The following HYDIN variants were observed in gnomAD, a reference collection of about 807,000 sequenced individuals.
HYDIN encodes HYDIN axonemal central pair apparatus protein, also known as axonemal central pair apparatus protein HYDIN.
In HYDIN, 132 loss-of-function variants were observed where a neutral mutation model predicts 403.9. The ratio of observed to expected loss-of-function variants is 0.33; its 90% confidence interval spans 0.28 to 0.38. The LOEUF is 0.38. Ranked by LOEUF, HYDIN falls within the 10% of genes least tolerant of loss-of-function variation. HYDIN has a pLI of 1.00. For missense variants in HYDIN, 2,827 were observed against 5,009.5 expected, an observed-to-expected ratio of 0.56 and a Z score of 13.15; for synonymous variants, 1,202 against 1,891.7, an observed-to-expected ratio of 0.64 and a Z score of 9.46.
At chr16:70,868,101 G>A (rs1325964875) in intron 66 of HYDIN, among the ~76,000 whole-genome samples, 1 of 151,932 alleles carries the variant, frequency 6.6e-6, no homozygotes, top group Non-Finnish European at 1.5e-5. Flanking sequence ...AATTACACAG[G>A]TAGTCAATAT....
intron 66 of HYDIN, among the ~76,000 whole-genome samples, chr16:70,867,028 C>CA (rs34578135): frequency 0.021 from 1,967 of 92,888 alleles, 48 homozygotes; most frequent in African/African-American, 0.063. Flanking sequence ...CTGTCCCCCT[C>CA]AAAAAAAAAA....
chr16:71,134,513 C>T (rs1339003467), intron 8 of HYDIN, among the ~76,000 whole-genome samples: 1 of 152,234 alleles, frequency 6.6e-6, no homozygotes, highest in Admixed American at 6.5e-5. Flanking sequence ...AAAGATCTCG[C>T]TGCTGCTTTT....
In HYDIN at chr16:71,203,512, G is replaced by A. The variant is rs74664714; in HGVS notation, c.-23-16594C>T. 9.9e-3 allele frequency among the ~76,000 whole-genome samples: 1,509 copies of A among 152,230 alleles called. 14 individuals are homozygous for A. The highest frequency in any genetic ancestry group is 0.024 in the Middle Eastern group (7 of 292). On this transcript the variant is annotated intron_variant, in intron 1 of 85. Transcript: ENST00000393567. ...AAAATGCCTCATTTCTATTAGAATA[G>A]GAGAGAATAAGCTTATACTTTTTGT... is the stretch of plus-strand genomic sequence containing the variant.
At chr16:71,158,905 G>T (rs1472113156) in intron 6 of HYDIN, among the ~76,000 whole-genome samples, 1 of 125,766 alleles carries the variant, frequency 8.0e-6, no homozygotes, top group Admixed American at 8.1e-5. Flanking sequence ...TGCCCAAGCT[G>T]GTCTCAAACT....
In HYDIN at chr16:70,809,933, G is replaced by T. The variant is rs748673208; in HGVS notation, c.14733C>A (p.Asp4911Glu). 6.2e-7 allele frequency: 1 copy of T among 1,614,188 alleles called. No individual in the cohort carries two copies. Among genetic ancestry groups the T allele is most frequent in the Admixed American group, 1.7e-5 (1 of 60,028 alleles). ...TFGRLTLHNTDLGYYQYELYL... is the reference protein window; with the variant it reads ...TFGRLTLHNTELGYYQYELYL... ...AGAGCTCATATTGGTAGTAACCCAA[G>T]TCAGTGTTGTGCAAAGTTAGTCTTC... The change falls in exon 85 of 86, where the codon GAC becomes GAA. Residue 4911 changes from aspartate to glutamate, a missense_variant. Physicochemically the swap from Asp to Glu is conservative, Grantham distance 45. Transcript: ENST00000393567.
At chr16:71,041,462 C>A (rs1183716358) in intron 18 of HYDIN, among the ~76,000 whole-genome samples, 1 of 152,222 alleles carries the variant, frequency 6.6e-6, no homozygotes, top group Non-Finnish European at 1.5e-5. Context: ...AAACTGGGAA[C>A]AATCTATCAG....
intron 21 of HYDIN, among the ~76,000 whole-genome samples, chr16:71,023,348 G>T (rs1042016809): frequency 3.3e-5 from 5 of 151,944 alleles, no homozygotes; most frequent in African/African-American, 1.2e-4. Context: ...TTTATTTTAA[G>T]TCCTGGGATA....
intron 16 of HYDIN, chr16:71,062,645 T>G (rs2082130992): frequency 4.5e-6 from 1 of 223,088 alleles, no homozygotes; most frequent in Non-Finnish European, 8.9e-6. Flanking sequence ...CTTTCCAAGT[T>G]CCTTAACCTG....
intron 15 of HYDIN, among the ~76,000 whole-genome samples, chr16:71,065,774 G>C (rs1291654074): frequency 6.6e-6 from 1 of 152,228 alleles, no homozygotes; most frequent in Non-Finnish European, 1.5e-5. Context: ...CCCAGTAAGA[G>C]GGAGTGAGCC....
chr16:70,955,699 G>A, intron 39 of HYDIN, 151 bp from the exon 40 acceptor site: 1 of 556,120 alleles, frequency 1.8e-6, no homozygotes, highest in Non-Finnish European at 3.2e-6. Flanking sequence ...GCAGCAAAGA[G>A]AAGGAAGACC....
At chr16:71,061,900 G>GTGTGTC in intron 17 of HYDIN, among the ~76,000 whole-genome samples, 1 of 148,098 alleles carries the variant, frequency 6.8e-6, no homozygotes, top group East Asian at 2.0e-4. Context: ...GTGTGTCAGA[G>GTGTGTC]AGAGAGAGAG....
chr16:71,053,429 T>TAGGC (rs1211584405), intron 18 of HYDIN, among the ~76,000 whole-genome samples: 1 of 152,208 alleles, frequency 6.6e-6, no homozygotes, highest in African/African-American at 2.4e-5. Flanking sequence ...TGTCAACAAG[T>TAGGC]AGGCAAAGAA....
intron 45 of HYDIN, chr16:70,933,724 T>C (rs1374636438): frequency 1.3e-5 from 2 of 154,912 alleles, no homozygotes; most frequent in African/African-American, 4.8e-5. Flanking sequence ...CAGCACACAG[T>C]AGCTATTAGT....
chr16:71,153,112 TA>T (rs2085606348), intron 6 of HYDIN, among the ~76,000 whole-genome samples: 1 of 151,194 alleles, frequency 6.6e-6, no homozygotes, highest in Non-Finnish European at 1.5e-5. Flanking sequence ...TGCAAATGAA[TA>T]AAATCCAGCC....
intron 1 of HYDIN, among the ~76,000 whole-genome samples, chr16:71,220,025 T>C (rs147027553): frequency 2.6e-5 from 4 of 152,138 alleles, no homozygotes; most frequent in Admixed American, 2.0e-4. Context: ...TCTTTAACCT[T>C]TGTGGTCCAG....
chr16:71,218,809 T>C (rs1463926570), intron 1 of HYDIN, among the ~76,000 whole-genome samples: 1 of 152,214 alleles, frequency 6.6e-6, no homozygotes, highest in African/African-American at 2.4e-5. Flanking sequence ...GCAAAAGGAT[T>C]ATATCAGAAA....
chr16:71,085,405 T>C (rs1189315857), intron 12 of HYDIN, among the ~76,000 whole-genome samples: 1 of 138,358 alleles, frequency 7.2e-6, no homozygotes, highest in Non-Finnish European at 1.6e-5. Flanking sequence ...TCCTTTTAAT[T>C]TCTGTAAGGT....
At chr16:70,830,569 AT>A (rs1007785233) in intron 80 of HYDIN, among the ~76,000 whole-genome samples, 50 of 143,878 alleles carry the variant, frequency 3.5e-4, no homozygotes, top group Admixed American at 5.6e-4. Context: ...AGGAAGAGAG[AT>A]TAACTAGAAG....
At chr16:70,902,993 A>G (rs2076438286) in intron 52 of HYDIN, among the ~76,000 whole-genome samples, 1 of 138,364 alleles carries the variant, frequency 7.2e-6, no homozygotes, top group South Asian at 2.3e-4. Flanking sequence ...GTTTCACTCT[A>G]TCACCCAGGC....
Sources: allele counts gnomAD v4.1 joint callset (sites outside exome capture counted in the v4.1 genomes callset), GRCh38; gene constraint gnomAD v4.1.1; transcripts MANE v1.5; gene names NCBI Gene and HGNC (gene_info 2026-07-23, HGNC 2026-07-21).